The following LRMDA variants were observed in gnomAD, a reference collection of about 807,000 sequenced individuals.
The protein encoded by LRMDA is leucine-rich melanocyte differentiation-associated protein.
In LRMDA, 18 loss-of-function variants were observed where a neutral mutation model predicts 29.8. The observed-to-expected ratio is 0.60, with a 90% CI of 0.42 to 0.90. The LOEUF is 0.90. Among genes scored for constraint, LRMDA ranks in the 40% least tolerant of loss-of-function variants. The pLI, the probability that LRMDA is intolerant of heterozygous loss-of-function variation, is 0.00. For missense variants in LRMDA, 273 were observed against 273.9 expected (o/e 1.00, Z 0.02); for synonymous variants, 125 against 109.4 (o/e 1.14, Z -0.89).
chr10:75,717,311 T>C (rs1361376940), intron 2 of LRMDA, among the ~76,000 whole-genome samples: 1 of 152,206 alleles, frequency 6.6e-6, no homozygotes, highest in African/African-American at 2.4e-5. Flanking sequence ...CAGTGACTCA[T>C]GGTTGAGGTC....
intron 5 of LRMDA, among the ~76,000 whole-genome samples, chr10:76,210,404 CTT>C (rs1753275359): frequency 6.6e-6 from 1 of 152,168 alleles, no homozygotes; most frequent in South Asian, 2.1e-4. Flanking sequence ...GTTCACACTT[CTT>C]TTTTTCCTGC....
At chr10:76,419,071 T>A (rs891448546) in intron 6 of LRMDA, among the ~76,000 whole-genome samples, 1 of 152,126 alleles carries the variant, frequency 6.6e-6, no homozygotes, top group Non-Finnish European at 1.5e-5. Flanking sequence ...AATTGATTAA[T>A]CTACATTAAC....
At chr10:76,533,825 C>T (rs563637593) in intron 6 of LRMDA, among the ~76,000 whole-genome samples, 1 of 152,254 alleles carries the variant, frequency 6.6e-6, no homozygotes, top group South Asian at 2.1e-4. Flanking sequence ...TGTATATGCT[C>T]AACTTGAGAA....
chr10:76,495,228 G>T (rs537913069), intron 6 of LRMDA, among the ~76,000 whole-genome samples: 10 of 122,900 alleles, frequency 8.1e-5, no homozygotes, highest in Non-Finnish European at 1.5e-4. Context: ...GTTTTGTTTT[G>T]CTGATGAATG....
Position 76,092,437 on chromosome 10 carries a change from C to T in LRMDA, c.516+33654C>T, listed in dbSNP as rs1055092758. Among the ~76,000 whole-genome samples, 15 of 152,200 alleles carry T rather than the reference C, an allele frequency of 9.9e-5. 1 individual carries two copies. Among genetic ancestry groups the T allele is most frequent in the African/African-American group, 3.6e-4 (15 of 41,450 alleles). ...TTCTGAGCCTGCTCAAACATCCCTCCTCTTCACCTTAGGAAGCCCTATATC... is the reference window on the plus strand; with the variant it reads ...TTCTGAGCCTGCTCAAACATCCCTCTTCTTCACCTTAGGAAGCCCTATATC... On this transcript the variant is annotated intron_variant, in intron 5 of 6. Coordinates refer to ENST00000611255, the MANE Select transcript of LRMDA (RefSeq NM_001305581.2).
At chr10:75,619,035 G>C (rs148435643) in intron 2 of LRMDA, among the ~76,000 whole-genome samples, 1,687 of 152,182 alleles carry the variant, frequency 0.011, 14 homozygotes, top group South Asian at 0.02. Flanking sequence ...CTGACCTCGT[G>C]ATCTGCCCAC....
chr10:76,537,544 A>C (rs2132380334), intron 6 of LRMDA, among the ~76,000 whole-genome samples: 1 of 152,308 alleles, frequency 6.6e-6, no homozygotes, highest in Admixed American at 6.5e-5. Context: ...CAGCTTCTAA[A>C]GGCCATACAT....
intron 2 of LRMDA, among the ~76,000 whole-genome samples, chr10:75,819,743 C>G (rs534562529): frequency 1.3e-5 from 2 of 152,040 alleles, no homozygotes; most frequent in East Asian, 3.9e-4. Context: ...GTCAGGAGGA[C>G]CCCAGCTGTT....
At chr10:76,410,507 C>T (rs1841948876) in intron 6 of LRMDA, among the ~76,000 whole-genome samples, 1 of 151,700 alleles carries the variant, frequency 6.6e-6, no homozygotes, top group African/African-American at 2.4e-5. Context: ...CAGAGTTTTG[C>T]CATGTTGCCC....
rs191569121 is a variant in LRMDA, at chr10:75,667,507, C to T, written c.131+229013C>T. On this transcript the variant is annotated intron_variant, in intron 2 of 6. Coordinates refer to ENST00000611255, the MANE Select transcript of LRMDA (RefSeq NM_001305581.2). The stretch of plus-strand genomic sequence containing the variant: ...TAGAGACAGGGTTTTGCTATGTTGC[C>T]CAGGTTGGTCTCAAACTCCTGGCCT... Among the ~76,000 whole-genome samples the T allele has an allele frequency of 3.3e-5, 5 of 152,166 alleles. No homozygotes were observed. In the East Asian group the frequency reaches 9.7e-4, roughly 29 times the overall value.
intron 6 of LRMDA, among the ~76,000 whole-genome samples, chr10:76,345,176 C>T (rs1841089774): frequency 6.8e-6 from 1 of 147,404 alleles, no homozygotes; most frequent in Non-Finnish European, 1.5e-5. Flanking sequence ...ACGCCATTCT[C>T]CTGCCTCAGC....
chr10:76,363,400 A>G (rs1398812978), intron 6 of LRMDA, among the ~76,000 whole-genome samples: 2 of 152,158 alleles, frequency 1.3e-5, no homozygotes, highest in African/African-American at 2.4e-5. Flanking sequence ...AGATGAAATT[A>G]TCATCTCTAT....
In LRMDA at chr10:76,122,201, T is replaced by A. The variant is rs139299798; in HGVS notation, c.516+63418T>A. Among the ~76,000 whole-genome samples, 514 of 152,228 alleles carry A rather than the reference T, an allele frequency of 3.4e-3. 4 individuals are homozygous for A. Among genetic ancestry groups the A allele is most frequent in the African/African-American group, 0.012 (497 of 41,538 alleles). ...CATCTCTAGTATCTCCAAGGGAGTGTGAGAGACCAGGAGCAGCATCCCAGG... is the reference window on the plus strand; with the variant it reads ...CATCTCTAGTATCTCCAAGGGAGTGAGAGAGACCAGGAGCAGCATCCCAGG... On this transcript the variant is annotated intron_variant, in intron 5 of 6. Coordinates refer to ENST00000611255, the MANE Select transcript of LRMDA (RefSeq NM_001305581.2).
intron 6 of LRMDA, among the ~76,000 whole-genome samples, chr10:76,471,647 CAA>C (rs2132317367): frequency 6.6e-6 from 1 of 151,518 alleles, no homozygotes; most frequent in African/African-American, 2.4e-5. Context: ...GATAAAAAAA[CAA>C]AATCCAACTA....
chr10:75,471,861 A>G lies in LRMDA; in HGVS notation c.131+33367A>G, dbSNP rs1844730562. Among the ~76,000 whole-genome samples the G allele has an allele frequency of 2.0e-5, 3 of 151,520 alleles. No individual in the cohort carries two copies. The South Asian group carries it at 6.2e-4, about 31-fold the overall frequency. On this transcript the variant is annotated intron_variant, in intron 2 of 6. Coordinates refer to ENST00000611255, the MANE Select transcript of LRMDA (RefSeq NM_001305581.2). ...CAGATGTAGCCTTTTGAGGGTCTCC[A>G]TGTTTGGGGAATGTGTCTCCCTGTG...
intron 6 of LRMDA, among the ~76,000 whole-genome samples, chr10:76,374,767 T>C (rs1841495599): frequency 1.3e-5 from 2 of 152,196 alleles, no homozygotes; most frequent in African/African-American, 4.8e-5. Flanking sequence ...TGGCCCTCTA[T>C]GTAGCAGAGT....
intron 5 of LRMDA, among the ~76,000 whole-genome samples, chr10:76,189,102 A>G (rs1480402706): frequency 6.6e-6 from 1 of 152,210 alleles, no homozygotes; most frequent in Admixed American, 6.5e-5. Context: ...TCATGCCTGT[A>G]ATGCCAGCAC....
At chr10:76,007,029 T>TGTGTGTGTGC (rs1471658187) in intron 2 of LRMDA, among the ~76,000 whole-genome samples, 4 of 27,362 alleles carry the variant, frequency 1.5e-4, no homozygotes, top group Non-Finnish European at 3.3e-4. Flanking sequence ...TGTGTGTGTG[T>TGTGTGTGTGC]GTGCGCGTGT....
chr10:75,890,935 C>T (rs1200125390), intron 2 of LRMDA, among the ~76,000 whole-genome samples: 1 of 152,032 alleles, frequency 6.6e-6, no homozygotes, highest in Non-Finnish European at 1.5e-5. Flanking sequence ...TGAAACCCAT[C>T]TCTACTAAAA....
Sources: gnomAD v4.1 joint callset for allele counts (sites outside exome capture counted in the v4.1 genomes callset) on GRCh38, gnomAD v4.1.1 for gene constraint, MANE v1.5 for transcripts, NCBI Gene and HGNC (gene_info 2026-07-23, HGNC 2026-07-21) for gene names.